MRAS: variants seen among roughly 807,000 people sequenced by gnomAD.
MRAS encodes the protein ras-related protein M-Ras.
In MRAS, 4 loss-of-function variants were observed where a neutral mutation model predicts 20.9. That is an observed-to-expected ratio of 0.19 (90% confidence interval 0.09 to 0.44). MRAS has a LOEUF of 0.44. Among genes scored for constraint, MRAS ranks in the 20% least tolerant of loss-of-function variants. The pLI, the probability that MRAS is intolerant of heterozygous loss-of-function variation, is 0.99. For synonymous variants in MRAS, 98 were observed against 102.9 expected (o/e 0.95, Z 0.29); for missense variants, 154 against 277.5 (o/e 0.56, Z 3.16).
chr3:138,402,519 C>G lies in MRAS; in HGVS notation c.*250C>G, dbSNP rs138276815. 8.1e-5 allele frequency: 35 copies of G among 434,620 alleles called. No homozygotes were observed. The Admixed American group carries it at 8.8e-4, about 11-fold the overall frequency. 26.9% of individuals were successfully genotyped at this position (434,620 alleles called of 1,614,324 possible). Reference sequence around the variant, plus strand: ...GCAGCATCCAAGTGCCCCTGGCCCCCCCATGTGTTGATTCAACCCGGTTCC... The same window carrying G: ...GCAGCATCCAAGTGCCCCTGGCCCCGCCATGTGTTGATTCAACCCGGTTCC... On this transcript the variant is annotated 3_prime_UTR_variant, in exon 6 of 6. Transcript: ENST00000423968.
intron 2 of MRAS, among the ~76,000 whole-genome samples, chr3:138,397,088 A>C (rs1216488583): frequency 6.6e-6 from 1 of 152,104 alleles, no homozygotes; most frequent in Non-Finnish European, 1.5e-5. Flanking sequence ...CTGGAGGAGA[A>C]GGGTTTGGTG....
At chr3:138,364,675 C>T (rs1044173362) in intron 1 of MRAS, among the ~76,000 whole-genome samples, 1 of 152,200 alleles carries the variant, frequency 6.6e-6, no homozygotes, top group Non-Finnish European at 1.5e-5. Flanking sequence ...TTCACAGCAG[C>T]TTGGTGCCCC....
At chr3:138,353,116 A>C (rs2054262183) in intron 1 of MRAS, among the ~76,000 whole-genome samples, 1 of 152,164 alleles carries the variant, frequency 6.6e-6, no homozygotes, top group African/African-American at 2.4e-5. Flanking sequence ...AGATGATTTT[A>C]GGTGGGACAC....
rs115250671 is a variant in MRAS, at chr3:138,383,989, T to C, written c.193+10913T>C. On this transcript the variant is annotated intron_variant, in intron 2 of 5. Transcript: ENST00000423968. ...TAAAAGAGAAAGCTGCACCTGTATC[T>C]GGAAGAGAATCTCAGTCAGTGGGAG... is the stretch of plus-strand genomic sequence containing the variant. Among the ~76,000 whole-genome samples the C allele has an allele frequency of 2.2e-3, 333 of 152,264 alleles. 1 individual carries two copies. Among genetic ancestry groups the C allele is most frequent in the African/African-American group, 6.9e-3 (285 of 41,526 alleles).
intron 2 of MRAS, among the ~76,000 whole-genome samples, chr3:138,376,964 T>C (rs1444923903): frequency 6.6e-6 from 1 of 152,262 alleles, no homozygotes; most frequent in Non-Finnish European, 1.5e-5. Flanking sequence ...TCTACAGCCA[T>C]ATAAACTTCT....
intron 2 of MRAS, among the ~76,000 whole-genome samples, chr3:138,392,208 G>A (rs1419359595): frequency 6.6e-6 from 1 of 152,120 alleles, no homozygotes; most frequent in African/African-American, 2.4e-5. Context: ...CTCAGAATAA[G>A]CTTAAATTTT....
chr3:138,360,280 G>T (rs2054419164), intron 1 of MRAS, among the ~76,000 whole-genome samples: 1 of 152,226 alleles, frequency 6.6e-6, no homozygotes, highest in African/African-American at 2.4e-5. Flanking sequence ...GATGCAGAGG[G>T]ATGCCTGGCC....
At chr3:138,368,082 T>A (rs369589534) in intron 1 of MRAS, among the ~76,000 whole-genome samples, 2 of 152,216 alleles carry the variant, frequency 1.3e-5, no homozygotes, top group African/African-American at 4.8e-5. Flanking sequence ...CACGGCCAAG[T>A]GGCTGCTGTT....
upstream of MRAS, chr3:138,348,410 G>T (rs1341261666): frequency 1.3e-5 from 2 of 152,184 alleles, no homozygotes; most frequent in Non-Finnish European, 2.9e-5. Context: ...AGGGGACTCG[G>T]CGCGGGTGGG....
chr3:138,373,691 G>A (rs994953279), intron 2 of MRAS, among the ~76,000 whole-genome samples: 1 of 152,136 alleles, frequency 6.6e-6, no homozygotes, highest in Non-Finnish European at 1.5e-5. Flanking sequence ...CTTCAACTTC[G>A]TTATTTTTCA....
At chr3:138,383,285 T>C (rs1334049698) in intron 2 of MRAS, among the ~76,000 whole-genome samples, 1 of 152,162 alleles carries the variant, frequency 6.6e-6, no homozygotes, top group African/African-American at 2.4e-5. Flanking sequence ...CCTCAGTAGA[T>C]GCTATTGTTG....
At chr3:138,367,042 AG>A (rs1224345625) in intron 1 of MRAS, among the ~76,000 whole-genome samples, 1 of 152,162 alleles carries the variant, frequency 6.6e-6, no homozygotes, top group East Asian at 1.9e-4. Context: ...AAATTTCGTG[AG>A]GGGTAAGACC....
intron 2 of MRAS, among the ~76,000 whole-genome samples, chr3:138,373,843 A>G (rs2054724105): frequency 6.6e-6 from 1 of 152,080 alleles, no homozygotes; most frequent in African/African-American, 2.4e-5. Context: ...AACAATGTTG[A>G]GGCTTCCAAC....
At chr3:138,380,090 C>A (rs897805373) in intron 2 of MRAS, among the ~76,000 whole-genome samples, 10 of 152,112 alleles carry the variant, frequency 6.6e-5, no homozygotes, top group African/African-American at 2.4e-4. Context: ...ATTTGCATTT[C>A]TCTGATGATT....
chr3:138,400,523 T>G lies in MRAS; in HGVS notation c.448-11T>G. ...TGTGCCACTTTGATCAAGTTGAGCT[T>G]TGCCTTCCAGATTCCGTACATAGAA... On this transcript the variant is annotated splice_polypyrimidine_tract_variant and intron_variant, in intron 4 of 5. Transcript: ENST00000423968. The G allele has an allele frequency of 6.2e-7, 1 of 1,607,660 alleles. No individual in the cohort carries two copies. Among genetic ancestry groups the G allele is most frequent in the South Asian group, 1.1e-5 (1 of 90,928 alleles).
At chr3:138,383,025 T>C (rs955201544) in intron 2 of MRAS, among the ~76,000 whole-genome samples, 6 of 152,206 alleles carry the variant, frequency 3.9e-5, no homozygotes, top group Non-Finnish European at 8.8e-5. Context: ...TCCTCCTCCC[T>C]TTGGGCTGCC....
intron 1 of MRAS, among the ~76,000 whole-genome samples, chr3:138,368,957 G>A (rs900969603): frequency 2.0e-5 from 3 of 152,070 alleles, no homozygotes; most frequent in African/African-American, 7.3e-5. Context: ...GAATTGGGGG[G>A]TTCTCTGGAC....
chr3:138,359,795 C>G (rs1402304859), intron 1 of MRAS, among the ~76,000 whole-genome samples: 2 of 152,176 alleles, frequency 1.3e-5, no homozygotes, highest in African/African-American at 2.4e-5. Context: ...CAAGCCAAGG[C>G]AGTGCGAAGA....
intron 1 of MRAS, among the ~76,000 whole-genome samples, chr3:138,355,353 T>C (rs2054309977): frequency 6.6e-6 from 1 of 152,222 alleles, no homozygotes; most frequent in Non-Finnish European, 1.5e-5. Context: ...TTCCACCTAC[T>C]GATTGACTCC....
Sources: gnomAD v4.1 joint callset for allele counts (sites outside exome capture counted in the v4.1 genomes callset) on GRCh38, gnomAD v4.1.1 for gene constraint, MANE v1.5 for transcripts, NCBI Gene and HGNC (gene_info 2026-07-23, HGNC 2026-07-21) for gene names.